C1QTNF1: variants seen among roughly 807,000 people sequenced by gnomAD.
The protein encoded by C1QTNF1 is C1q and TNF related 1, also known as complement C1q tumor necrosis factor-related protein 1.
In C1QTNF1, 22 loss-of-function variants were observed where a neutral mutation model predicts 27.8. That is an observed-to-expected ratio of 0.79 (90% confidence interval 0.56 to 1.13). C1QTNF1 has a LOEUF of 1.13. Among genes scored for constraint, C1QTNF1 ranks in the 50% most tolerant of loss-of-function variants. The probability of loss-of-function intolerance (pLI) is 0.00; values close to 1 mark genes in which losing one functional copy is unlikely to be tolerated. For missense variants in C1QTNF1, 373 were observed against 380.2 expected, an observed-to-expected ratio of 0.98 and a Z score of 0.16; for synonymous variants, 166 against 154.3, an observed-to-expected ratio of 1.08 and a Z score of -0.56.
At chr17:79,045,970 T>C (rs2072560087) in intron 2 of C1QTNF1, among the ~76,000 whole-genome samples, 1 of 152,018 alleles carries the variant, frequency 6.6e-6, no homozygotes, top group African/African-American at 2.4e-5. Flanking sequence ...CCCCCGTGGG[T>C]CTGCGCAGCT....
rs557302812 is a variant in C1QTNF1 at position 79,046,708 on chromosome 17, A to C, written c.295+14A>C. 5.6e-6 allele frequency: 9 copies of C among 1,614,066 alleles called. No homozygotes were observed. The African/African-American group carries it at 1.1e-4, about 19-fold the overall frequency. On this transcript the variant is annotated intron_variant, in intron 3 of 3. Coordinates refer to ENST00000579760, the MANE Select transcript of C1QTNF1 (RefSeq NM_030968.5). This position sits in a 1 kb window ranked among gnomAD's most constrained non-coding sequence, Gnocchi z 4.8. ...CTATCTTGAAAGGTCAGATGGCTGC[A>C]AAGACAAGCACGGGGTGGCCGGGCT...
chr17:79,026,762 G>A (rs1323968130), intron 1 of C1QTNF1, among the ~76,000 whole-genome samples: 1 of 152,132 alleles, frequency 6.6e-6, no homozygotes, highest in Non-Finnish European at 1.5e-5. Context: ...GCAGCCAGCT[G>A]GCGAGGGACG....
At chr17:79,045,463 C>A (rs1366477399) in intron 2 of C1QTNF1, among the ~76,000 whole-genome samples, 2 of 152,164 alleles carry the variant, frequency 1.3e-5, no homozygotes, top group Non-Finnish European at 2.9e-5. Context: ...AGAGGATGAG[C>A]TGGTGCGGGG....
intron 2 of C1QTNF1, 118 bp downstream of exon 2, chr17:79,044,241 C>A: frequency 1.7e-6 from 2 of 1,207,338 alleles, no homozygotes; most frequent in Non-Finnish European, 2.2e-6. Flanking sequence ...AAAGCTGAAG[C>A]TGAGCCGTGG....
rs534713802 is a variant in C1QTNF1, at chr17:79,037,079, A to G, written c.-14-6876A>G. On this transcript the variant is annotated intron_variant, in intron 1 of 3. Transcript: ENST00000579760. The stretch of plus-strand genomic sequence containing the variant: ...AGCACGGAGGTGAAACAAAAATATA[A>G]CAGGACCCACTTATTTGTTTATTTA... Among the ~76,000 whole-genome samples the G allele has an allele frequency of 5.3e-5, 8 of 152,246 alleles. No homozygotes were observed. In the South Asian group the frequency reaches 1.7e-3, roughly 32 times the overall value.
chr17:79,032,251 G>C (rs1429218067), intron 1 of C1QTNF1, among the ~76,000 whole-genome samples: 1 of 152,188 alleles, frequency 6.6e-6, no homozygotes, highest in African/African-American at 2.4e-5. Context: ...CTGAGCTCTG[G>C]AGAATACACG....
chr17:79,046,648 G>A lies in C1QTNF1; in HGVS notation c.249G>A (p.Met83Ile). 1 of 1,614,172 alleles carries A rather than the reference G, an allele frequency of 6.2e-7. No homozygotes were observed. Among genetic ancestry groups the A allele is most frequent in the Non-Finnish European group, 8.5e-7 (1 of 1,180,018 alleles). Residue 83 changes from methionine to isoleucine, a missense_variant, in exon 3 of 4, where the codon ATG becomes ATA. Met to Ile is a conservative substitution (Grantham distance 10, BLOSUM62 1). Coordinates refer to ENST00000579760, the MANE Select transcript of C1QTNF1 (RefSeq NM_030968.5). This position sits in a 1 kb window ranked among gnomAD's most constrained non-coding sequence, Gnocchi z 4.8. ...CLRCCDPGTS[M>I]YPATAVPQIN... ...GCTGCTGTGACCCCGGTACCTCCAT[G>A]TACCCGGCGACCGCCGTGCCCCAGA...
intron 1 of C1QTNF1, among the ~76,000 whole-genome samples, chr17:79,042,044 G>A (rs1427714415): frequency 6.6e-6 from 1 of 152,340 alleles, no homozygotes; most frequent in Non-Finnish European, 1.5e-5. Context: ...TGGAGTCCAC[G>A]CCGGCCTGGC....
At chr17:79,043,160 T>C (rs2072462978) in intron 1 of C1QTNF1, among the ~76,000 whole-genome samples, 1 of 150,172 alleles carries the variant, frequency 6.7e-6, no homozygotes, top group African/African-American at 2.5e-5. Flanking sequence ...TGAGTGCATG[T>C]GATGGTATAT....
At chr17:79,044,817 G>A (rs73999398) in intron 2 of C1QTNF1, among the ~76,000 whole-genome samples, 2,283 of 152,326 alleles carry the variant, frequency 0.015, 75 homozygotes, top group African/African-American at 0.051. Context: ...TATTTTGAGC[G>A]TTGGGCTGAC....
At chr17:79,043,257 A>G (rs1294380554) in intron 1 of C1QTNF1, 2 of 445,940 alleles carry the variant, frequency 4.5e-6, no homozygotes, top group Non-Finnish European at 8.8e-6. Context: ...ATATGTATGC[A>G]TGTGTGTGCA....
intron 1 of C1QTNF1, among the ~76,000 whole-genome samples, chr17:79,030,034 C>G (rs979689023): frequency 2.0e-5 from 3 of 152,138 alleles, no homozygotes; most frequent in Admixed American, 1.3e-4. Flanking sequence ...GCTTGAGCCT[C>G]AAACGATGCA....
chr17:79,047,758 G>A lies in C1QTNF1; in HGVS notation c.516G>A (p.Val172=). Reference sequence around the variant, plus strand: ...CGGTGATCTTCGACACGGAGTTCGTGAACCTCTACGACCACTTCAACATGT... The same window carrying A: ...CGGTGATCTTCGACACGGAGTTCGTAAACCTCTACGACCACTTCAACATGT... The part of the protein sequence containing the change: ...YQTVIFDTEF[V]NLYDHFNMFT... The change falls in exon 4 of 4, where the codon GTG becomes GTA. Residue 172 remains valine (V), a synonymous_variant. Coordinates refer to ENST00000579760, the MANE Select transcript of C1QTNF1 (RefSeq NM_030968.5). 6.2e-7 allele frequency: 1 copy of A among 1,614,142 alleles called. No homozygotes were observed. The highest frequency in any genetic ancestry group is 8.5e-7 in the Non-Finnish European group (1 of 1,180,018).
Sources: allele counts gnomAD v4.1 joint callset (sites outside exome capture counted in the v4.1 genomes callset), GRCh38; gene constraint gnomAD v4.1.1; non-coding constraint Gnocchi (gnomAD v3.1); transcripts MANE v1.5; gene names NCBI Gene and HGNC (gene_info 2026-07-23, HGNC 2026-07-21).